KCNH5: variants seen among roughly 807,000 people sequenced by gnomAD.
KCNH5 encodes voltage-gated delayed rectifier potassium channel KCNH5.
A neutral mutation model predicts 96.1 loss-of-function variants in KCNH5; 46 were observed. The observed-to-expected ratio is 0.48, with a 90% confidence interval of 0.38 to 0.61. KCNH5 has a LOEUF of 0.61. KCNH5 is among the 20% of genes least tolerant of loss of function. The pLI, the probability that KCNH5 is intolerant of heterozygous loss-of-function variation, is 0.00. For missense variants in KCNH5, 907 were observed against 1,225.8 expected (o/e 0.74, Z 3.88); for synonymous variants, 439 against 449.8 (o/e 0.98, Z 0.30).
chr14:62,999,578 T>C (rs1428298022), intron 4 of KCNH5, among the ~76,000 whole-genome samples: 1 of 151,156 alleles, frequency 6.6e-6, no homozygotes. Flanking sequence ...ATAGGTGAAA[T>C]TGGAAATCAT....
At chr14:62,961,581 T>G (rs537333263) in intron 6 of KCNH5, among the ~76,000 whole-genome samples, 3 of 152,186 alleles carry the variant, frequency 2.0e-5, no homozygotes, top group Non-Finnish European at 4.4e-5. Flanking sequence ...TGATGGGCTA[T>G]GTAAGCAAAG....
intron 10 of KCNH5, among the ~76,000 whole-genome samples, chr14:62,770,934 T>G (rs1885972489): frequency 6.6e-6 from 1 of 152,242 alleles, no homozygotes; most frequent in South Asian, 2.1e-4. Flanking sequence ...TGGCTGTATT[T>G]GGAGACAAGG....
At chr14:62,850,906 C>T (rs1479293873) in intron 7 of KCNH5, among the ~76,000 whole-genome samples, 1 of 152,142 alleles carries the variant, frequency 6.6e-6, no homozygotes, top group East Asian at 1.9e-4. Context: ...AATTTCCATC[C>T]TACATCCTCC....
At chr14:62,837,510 C>T (rs752267859) in intron 8 of KCNH5, among the ~76,000 whole-genome samples, 3 of 152,176 alleles carry the variant, frequency 2.0e-5, no homozygotes, top group Non-Finnish European at 2.9e-5. Context: ...TCCATGTTTT[C>T]CTCTAAGCAT....
chr14:62,824,894 A>G (rs1887189963), intron 8 of KCNH5, among the ~76,000 whole-genome samples: 1 of 151,992 alleles, frequency 6.6e-6, no homozygotes, highest in Non-Finnish European at 1.5e-5. Flanking sequence ...TTCACCTAGG[A>G]TAATGGCCTC....
At chr14:62,807,231 A>C (rs960950046) in intron 8 of KCNH5, among the ~76,000 whole-genome samples, 1 of 152,124 alleles carries the variant, frequency 6.6e-6, no homozygotes, top group African/African-American at 2.4e-5. Flanking sequence ...AAAAATAAAA[A>C]ACATGAACCT....
At chr14:62,757,216 TGCTACAATGCAAA>T (rs1373410002) in intron 10 of KCNH5, among the ~76,000 whole-genome samples, 1 of 151,092 alleles carries the variant, frequency 6.6e-6, no homozygotes, top group African/African-American at 2.5e-5. Context: ...AGAAATGCAA[TGCTACAATGCAAA>T]GCTACAATGC....
At chr14:63,018,240 G>C (rs1272713339) in intron 1 of KCNH5, among the ~76,000 whole-genome samples, 1 of 151,850 alleles carries the variant, frequency 6.6e-6, no homozygotes, top group African/African-American at 2.4e-5. Context: ...AGTTTGGGAA[G>C]TTCATGGTGT....
intron 7 of KCNH5, among the ~76,000 whole-genome samples, chr14:62,865,387 G>A (rs1888115117): frequency 1.3e-5 from 2 of 151,760 alleles, no homozygotes; most frequent in Admixed American, 6.6e-5. Flanking sequence ...TTGGACTGGA[G>A]TGGGAAAGAG....
intron 8 of KCNH5, among the ~76,000 whole-genome samples, chr14:62,822,758 C>A (rs1445553078): frequency 6.6e-6 from 1 of 151,514 alleles, no homozygotes. Context: ...AATGTACAAT[C>A]CATAAAATGA....
intron 7 of KCNH5, among the ~76,000 whole-genome samples, chr14:62,937,682 G>A (rs557377509): frequency 2.6e-5 from 4 of 152,184 alleles, no homozygotes; most frequent in Admixed American, 6.5e-5. Context: ...AAGAAGATTC[G>A]TAAGATTGCT....
At chr14:62,712,343 G>A in intron 10 of KCNH5, 1 of 317,708 alleles carries the variant, frequency 3.1e-6, no homozygotes, top group Non-Finnish European at 5.8e-6. Flanking sequence ...ATATAGCAAA[G>A]TGGTCACTTC....
At chr14:62,847,722 C>G (rs1028591710) in intron 8 of KCNH5, among the ~76,000 whole-genome samples, 1 of 152,102 alleles carries the variant, frequency 6.6e-6, no homozygotes, top group African/African-American at 2.4e-5. Context: ...TAATATTAGT[C>G]TCCCCATATT....
At chr14:62,945,480 T>C (rs531346018) in intron 7 of KCNH5, among the ~76,000 whole-genome samples, 6 of 152,254 alleles carry the variant, frequency 3.9e-5, no homozygotes, top group Non-Finnish European at 7.4e-5. Flanking sequence ...TTCATTCATA[T>C]GAAAAATTAA....
intron 7 of KCNH5, among the ~76,000 whole-genome samples, chr14:62,918,223 C>A (rs1294764725): frequency 6.6e-6 from 1 of 152,098 alleles, no homozygotes; most frequent in Non-Finnish European, 1.5e-5. Flanking sequence ...TTTAAAGTAA[C>A]TGACATATAA....
At chr14:62,987,574 C>T (rs1890734320) in intron 4 of KCNH5, among the ~76,000 whole-genome samples, 1 of 152,144 alleles carries the variant, frequency 6.6e-6, no homozygotes, top group East Asian at 1.9e-4. Context: ...TGGTTCTCAC[C>T]AATGGAATGC....
chr14:62,881,957 G>T (rs557465693), intron 7 of KCNH5, among the ~76,000 whole-genome samples: 1 of 152,044 alleles, frequency 6.6e-6, no homozygotes, highest in East Asian at 1.9e-4. Context: ...AACAATATTT[G>T]TGGGGCCTTC....
intron 6 of KCNH5, among the ~76,000 whole-genome samples, chr14:62,969,303 G>T (rs796256359): frequency 1.3e-5 from 2 of 151,986 alleles, no homozygotes; most frequent in African/African-American, 4.8e-5. Context: ...TACATATGCT[G>T]GAAAAGAAGA....
intron 7 of KCNH5, among the ~76,000 whole-genome samples, chr14:62,923,486 C>T (rs1889416349): frequency 6.6e-6 from 1 of 151,772 alleles, no homozygotes; most frequent in African/African-American, 2.4e-5. Context: ...ATTCATGTAA[C>T]CCATAAAAGA....
Sources: allele counts gnomAD v4.1 joint callset (sites outside exome capture counted in the v4.1 genomes callset), GRCh38; gene constraint gnomAD v4.1.1; transcripts MANE v1.5; gene names NCBI Gene and HGNC (gene_info 2026-07-23, HGNC 2026-07-21).